Variants in NEGR1 observed in about 807,000 individuals in gnomAD.
The protein encoded by NEGR1 is neuronal growth regulator 1.
NEGR1 carries 10 observed loss-of-function variants against 40.9 expected under a neutral mutation model. The ratio of observed to expected loss-of-function variants is 0.24; its 90% CI spans 0.15 to 0.42. NEGR1 has a LOEUF of 0.42. Ranked by LOEUF, NEGR1 falls within the 10% of genes least tolerant of loss-of-function variation. The pLI is 1.00. For missense variants in NEGR1, 352 were observed against 438.9 expected (o/e 0.80, Z 1.77); for synonymous variants, 185 against 166.8 (o/e 1.11, Z -0.84).
intron 1 of NEGR1, among the ~76,000 whole-genome samples, chr1:72,276,192 G>T (rs1000052935): frequency 6.6e-6 from 1 of 152,062 alleles, no homozygotes; most frequent in Admixed American, 6.6e-5. Context: ...AAAATGATCT[G>T]ATTTTTAATC....
At chr1:71,567,020 T>C (rs1648643145) in intron 6 of NEGR1, among the ~76,000 whole-genome samples, 1 of 152,138 alleles carries the variant, frequency 6.6e-6, no homozygotes, top group Non-Finnish European at 1.5e-5. Context: ...GGGCTTAGGA[T>C]TTCAACATAT....
intron 1 of NEGR1, among the ~76,000 whole-genome samples, chr1:72,001,139 A>G (rs1272168359): frequency 6.6e-6 from 1 of 152,116 alleles, no homozygotes; most frequent in Non-Finnish European, 1.5e-5. Flanking sequence ...GATTTATGCA[A>G]ATGAGATGCC....
intron 6 of NEGR1, among the ~76,000 whole-genome samples, chr1:71,457,037 T>C (rs1646677690): frequency 6.6e-6 from 1 of 152,196 alleles, no homozygotes; most frequent in Admixed American, 6.5e-5. Flanking sequence ...AATATTATTA[T>C]CTTCCTCTGG....
At chr1:72,237,936 A>G (rs910274346) in intron 1 of NEGR1, among the ~76,000 whole-genome samples, 3 of 151,934 alleles carry the variant, frequency 2.0e-5, no homozygotes, top group Non-Finnish European at 4.4e-5. Flanking sequence ...TAACTTAGCA[A>G]AGTTGCAATA....
intron 2 of NEGR1, among the ~76,000 whole-genome samples, chr1:71,909,792 C>A (rs969624828): frequency 6.6e-6 from 1 of 151,850 alleles, no homozygotes; most frequent in South Asian, 2.1e-4. Flanking sequence ...TTGTGAAGAC[C>A]GAATCAATAC....
At chr1:71,718,189 G>C (rs1247421668) in intron 3 of NEGR1, among the ~76,000 whole-genome samples, 1 of 152,188 alleles carries the variant, frequency 6.6e-6, no homozygotes, top group Admixed American at 6.5e-5. Flanking sequence ...GGAATCCTCA[G>C]TGCTGAAGGT....
chr1:71,591,945 A>G (rs2783048), intron 6 of NEGR1, among the ~76,000 whole-genome samples: 136,065 of 152,044 alleles, frequency 0.89, 62,234 homozygotes, highest in Non-Finnish European at 1. Flanking sequence ...TACTATAACA[A>G]GATCGTAAGA....
intron 1 of NEGR1, among the ~76,000 whole-genome samples, chr1:71,995,222 T>A (rs1646493920): frequency 1.3e-5 from 2 of 152,102 alleles, no homozygotes; most frequent in African/African-American, 4.8e-5. Flanking sequence ...AGAGTGATCA[T>A]AGATGTTAAA....
chr1:71,658,405 AT>A (rs374438446), intron 4 of NEGR1, among the ~76,000 whole-genome samples: 4,514 of 150,098 alleles, frequency 0.03, 172 homozygotes, highest in African/African-American at 0.091. Context: ...AATAAACTAC[AT>A]TTTTTTTTTA....
chr1:71,602,979 G>T (rs1402648875), intron 5 of NEGR1, among the ~76,000 whole-genome samples: 1 of 152,084 alleles, frequency 6.6e-6, no homozygotes, highest in Non-Finnish European at 1.5e-5. Flanking sequence ...GAGTTGTACT[G>T]ACACCACATT....
chr1:72,218,932 C>T (rs904175004), intron 1 of NEGR1, among the ~76,000 whole-genome samples: 2 of 152,188 alleles, frequency 1.3e-5, no homozygotes, highest in South Asian at 4.1e-4. Context: ...GTAATGACCA[C>T]TGAATTCACA....
intron 1 of NEGR1, among the ~76,000 whole-genome samples, chr1:72,139,998 C>T (rs1013371709): frequency 1.3e-5 from 2 of 151,958 alleles, no homozygotes; most frequent in African/African-American, 2.4e-5. Flanking sequence ...TTTGCTTGCT[C>T]GTGCCTAGAA....
At chr1:71,612,829 A>G (rs1235262134) in intron 4 of NEGR1, among the ~76,000 whole-genome samples, 6 of 152,194 alleles carry the variant, frequency 3.9e-5, no homozygotes, top group African/African-American at 9.7e-5. Flanking sequence ...AAGCTAGCCA[A>G]GTTTGTTTAA....
intron 2 of NEGR1, among the ~76,000 whole-genome samples, chr1:71,862,232 G>A (rs1659971584): frequency 6.6e-6 from 1 of 151,988 alleles, no homozygotes; most frequent in Non-Finnish European, 1.5e-5. Context: ...TGAACAAAAA[G>A]AAATTAAGGA....
chr1:71,858,089 T>C (rs1054811481), intron 2 of NEGR1, among the ~76,000 whole-genome samples: 1 of 152,068 alleles, frequency 6.6e-6, no homozygotes, highest in Admixed American at 6.6e-5. Flanking sequence ...ATATTTTCCC[T>C]GGTGTTCTAT....
At chr1:72,109,537 T>G (rs1200350010) in intron 1 of NEGR1, among the ~76,000 whole-genome samples, 1 of 151,698 alleles carries the variant, frequency 6.6e-6, no homozygotes, top group Non-Finnish European at 1.5e-5. Context: ...AATGTTATAA[T>G]AATTGTTCTC....
chr1:71,407,595 A>G lies in NEGR1; in HGVS notation c.941-25T>C, dbSNP rs533846294. On this transcript the variant is annotated intron_variant, in intron 6 of 6. Coordinates refer to ENST00000357731, the MANE Select transcript of NEGR1 (RefSeq NM_173808.3). Reference sequence around the variant, plus strand: ...GCTGGAAAGAAATGGAAAAGATTAAATCAAAATCTAATTTGTGTCTTCCAG... The same window carrying G: ...GCTGGAAAGAAATGGAAAAGATTAAGTCAAAATCTAATTTGTGTCTTCCAG... 5 of 1,608,746 alleles carry G rather than the reference A, an allele frequency of 3.1e-6. No individual in the cohort carries two copies. The East Asian group carries it at 8.9e-5, about 29-fold the overall frequency.
chr1:72,259,766 G>A (rs1055337080), intron 1 of NEGR1, among the ~76,000 whole-genome samples: 1 of 152,022 alleles, frequency 6.6e-6, no homozygotes, highest in Non-Finnish European at 1.5e-5. Context: ...TGGGGAAGAC[G>A]AATAATTGTT....
At chr1:72,132,034 G>A (rs1650275175) in intron 1 of NEGR1, among the ~76,000 whole-genome samples, 1 of 152,140 alleles carries the variant, frequency 6.6e-6, no homozygotes, top group Non-Finnish European at 1.5e-5. Context: ...GGGAGGTGGA[G>A]GGTACAGTGA....
Sources: gnomAD v4.1 joint callset for allele counts (sites outside exome capture counted in the v4.1 genomes callset) on GRCh38, gnomAD v4.1.1 for gene constraint, MANE v1.5 for transcripts, NCBI Gene and HGNC (gene_info 2026-07-23, HGNC 2026-07-21) for gene names.